Variants in MYO1D observed in about 807,000 individuals in gnomAD.
MYO1D encodes the protein unconventional myosin-Id.
A neutral mutation model predicts 122.0 loss-of-function variants in MYO1D; 83 were observed. That is an observed-to-expected ratio of 0.68 (90% CI 0.57 to 0.82). The LOEUF (loss-of-function observed/expected upper bound fraction) is 0.82. Ranked by LOEUF, MYO1D falls within the 40% of genes least tolerant of loss-of-function variation. The probability of loss-of-function intolerance (pLI) is 0.00; values close to 1 mark genes in which losing one functional copy is unlikely to be tolerated. For missense variants in MYO1D, 1,157 were observed against 1,269.5 expected (o/e 0.91, Z 1.35); for synonymous variants, 464 against 446.9 (o/e 1.04, Z -0.48).
intron 1 of MYO1D, among the ~76,000 whole-genome samples, chr17:32,854,343 C>A (rs2091011668): frequency 6.6e-6 from 1 of 152,208 alleles, no homozygotes; most frequent in South Asian, 2.1e-4. Flanking sequence ...AAAAACAGAT[C>A]TCTTCCTTAC....
intron 16 of MYO1D, among the ~76,000 whole-genome samples, chr17:32,676,825 T>C (rs1257885293): frequency 6.6e-6 from 1 of 152,066 alleles, no homozygotes; most frequent in Non-Finnish European, 1.5e-5. Context: ...TTTTTTTTTT[T>C]TTTGAGACGG....
intron 16 of MYO1D, among the ~76,000 whole-genome samples, chr17:32,692,489 G>T (rs1356091574): frequency 3.3e-5 from 5 of 152,160 alleles, no homozygotes; most frequent in African/African-American, 1.2e-4. Flanking sequence ...TTTCATAAAA[G>T]TCTGTTCAAA....
rs557788182 is a variant in MYO1D, at chr17:32,844,345, TTA to T, written c.95+32431_95+32432del. On this transcript the variant is annotated intron_variant, in intron 1 of 21. Transcript: ENST00000318217. ...ATTATATAATATGTATATGTATATATTATATGTGTATATATATTATATATAGT... is the reference window on the plus strand; with the variant it reads ...ATTATATAATATGTATATGTATATATTATGTGTATATATATTATATATAGT... Among the ~76,000 whole-genome samples the T allele has an allele frequency of 8.4e-3, 1,216 of 144,756 alleles. 16 individuals carry two copies. Among genetic ancestry groups the T allele is most frequent in the African/African-American group, 0.029 (1,131 of 38,580 alleles). The allele number at this position is 144,756 out of a possible 152,430, so 95.0% of individuals were successfully genotyped here.
chr17:32,515,336 T>C (rs1294718812), intron 21 of MYO1D, among the ~76,000 whole-genome samples: 1 of 152,220 alleles, frequency 6.6e-6, no homozygotes, highest in Non-Finnish European at 1.5e-5. Context: ...TTCTTTGACA[T>C]AGAGTCTCGC....
chr17:32,743,781 C>G (rs1415076506), intron 13 of MYO1D, among the ~76,000 whole-genome samples: 5 of 151,950 alleles, frequency 3.3e-5, no homozygotes, highest in Non-Finnish European at 5.9e-5. Flanking sequence ...CCACACCCGG[C>G]TAATTTTTTC....
rs554414407 is a variant in MYO1D, at chr17:32,622,795, G to A, written c.2709+15927C>T. Among the ~76,000 whole-genome samples, 79 of 152,324 alleles carry A rather than the reference G, an allele frequency of 5.2e-4. 2 individuals carry two copies. In the South Asian group the frequency reaches 0.015, roughly 28 times the overall value. On this transcript the variant is annotated intron_variant, in intron 20 of 21. Coordinates refer to ENST00000318217, the MANE Select transcript of MYO1D (RefSeq NM_015194.3). ...GAGCACCTGACTATGTGATAAGAAC[G>A]ATGCTGAGGACTTTCCACGCATTAT...
chr17:32,773,877 C>G (rs1156919663), intron 4 of MYO1D, among the ~76,000 whole-genome samples: 2 of 152,134 alleles, frequency 1.3e-5, no homozygotes, highest in Non-Finnish European at 2.9e-5. Context: ...CGGTCCCTCC[C>G]TAGTCTCTGC....
chr17:32,685,339 A>T (rs566005348), intron 16 of MYO1D, among the ~76,000 whole-genome samples: 1 of 152,368 alleles, frequency 6.6e-6, no homozygotes, highest in South Asian at 2.1e-4. Flanking sequence ...CCAAGCTCAT[A>T]GGCCAAAGAT....
At chr17:32,828,520 A>G (rs1162513069) in intron 1 of MYO1D, among the ~76,000 whole-genome samples, 1 of 148,018 alleles carries the variant, frequency 6.8e-6, no homozygotes, top group East Asian at 1.9e-4. Context: ...CGTCTCAAAA[A>G]AAAAAAAAAA....
intron 7 of MYO1D, among the ~76,000 whole-genome samples, chr17:32,765,836 CAT>C (rs1241348295): frequency 1.3e-5 from 2 of 152,084 alleles, no homozygotes; most frequent in Non-Finnish European, 2.9e-5. Flanking sequence ...TTATTTTTCA[CAT>C]GATTAGTTGC....
intron 1 of MYO1D, among the ~76,000 whole-genome samples, chr17:32,789,790 C>T (rs982172514): frequency 5.9e-5 from 9 of 152,114 alleles, no homozygotes; most frequent in Non-Finnish European, 8.8e-5. Context: ...CAAGGATTGA[C>T]GACCACTGCC....
chr17:32,707,966 G>A (rs2089329235), intron 16 of MYO1D, among the ~76,000 whole-genome samples: 1 of 152,146 alleles, frequency 6.6e-6, no homozygotes, highest in African/African-American at 2.4e-5. Context: ...TTGGAAGCCT[G>A]CTCCTGGTTT....
chr17:32,770,479 T>C (rs555877645), intron 6 of MYO1D, among the ~76,000 whole-genome samples: 8 of 152,116 alleles, frequency 5.3e-5, no homozygotes, highest in Non-Finnish European at 1.0e-4. Flanking sequence ...TCCTACGAAA[T>C]AGGATAATAG....
At chr17:32,711,296 T>C (rs574730881) in intron 16 of MYO1D, among the ~76,000 whole-genome samples, 3 of 152,302 alleles carry the variant, frequency 2.0e-5, no homozygotes, top group Non-Finnish European at 2.9e-5. Context: ...TAGGTAATGA[T>C]AGGTGAAGGA....
rs184607556 is a variant in MYO1D at position 32,740,179 on chromosome 17, T to A, written c.1614-1794A>T. ...GCCTGAATGCCATTCTAACATTTAC[T>A]GAATAGAATTTTCAGAAAGTAGAAA... is the stretch of plus-strand genomic sequence containing the variant. On this transcript the variant is annotated intron_variant, in intron 13 of 21. Coordinates refer to ENST00000318217, the MANE Select transcript of MYO1D (RefSeq NM_015194.3). Among the ~76,000 whole-genome samples the A allele has an allele frequency of 3.1e-4, 47 of 152,338 alleles. No individual in the cohort carries two copies. The East Asian group carries it at 8.7e-3, about 28-fold the overall frequency.
At chr17:32,673,089 A>ATTTTTTTTT (rs2088745430) in intron 16 of MYO1D, among the ~76,000 whole-genome samples, 1 of 28,636 alleles carries the variant, frequency 3.5e-5, no homozygotes, top group Non-Finnish European at 1.1e-4. Context: ...TAAACATGCT[A>ATTTTTTTTT]CTTTTTTTTT....
At chr17:32,784,956 T>TAGGGAGTTTACATTTG (rs2090278120) in intron 1 of MYO1D, among the ~76,000 whole-genome samples, 1 of 152,108 alleles carries the variant, frequency 6.6e-6, no homozygotes, top group Non-Finnish European at 1.5e-5. Flanking sequence ...AAACCAGGCT[T>TAGGGAGTTTACATTTG]AGGGAGTTTA....
chr17:32,721,941 T>A (rs2089517088), intron 14 of MYO1D, among the ~76,000 whole-genome samples: 1 of 152,236 alleles, frequency 6.6e-6, no homozygotes, highest in African/African-American at 2.4e-5. Context: ...CCTACAAGTG[T>A]AAAGAATTTC....
intron 1 of MYO1D, among the ~76,000 whole-genome samples, chr17:32,823,346 C>G (rs2090692182): frequency 6.6e-6 from 1 of 152,136 alleles, no homozygotes; most frequent in African/African-American, 2.4e-5. Context: ...CAACTACTAA[C>G]CTCTGCAGCA....
Sources: allele counts gnomAD v4.1 joint callset (sites outside exome capture counted in the v4.1 genomes callset), GRCh38; gene constraint gnomAD v4.1.1; transcripts MANE v1.5; gene names NCBI Gene and HGNC (gene_info 2026-07-23, HGNC 2026-07-21).